Variants in TEX11 observed in about 807,000 individuals in gnomAD.
TEX11 encodes testis expressed 11, also known as testis-expressed protein 11.
Under a neutral mutation model 84.4 loss-of-function variants are expected in TEX11, and 7 were observed. The ratio of observed to expected loss-of-function variants is 0.08; its 90% CI spans 0.05 to 0.16. The LOEUF (loss-of-function observed/expected upper bound fraction) is 0.16. Ranked by LOEUF, TEX11 falls within the 10% of genes least tolerant of loss-of-function variation. The pLI, the probability that TEX11 is intolerant of heterozygous loss-of-function variation, is 1.00. For synonymous variants in TEX11, 264 were observed against 222.8 expected, an observed-to-expected ratio of 1.18 and a Z score of -1.64; for missense variants, 551 against 660.5, an observed-to-expected ratio of 0.83 and a Z score of 1.82.
At chrX:70,759,632 T>C (rs200268208) in intron 9 of TEX11, among the ~76,000 whole-genome samples, 1 of 111,512 alleles carries the variant, frequency 9.0e-6, no homozygotes, top group African/African-American at 3.3e-5. Context: ...TAAGAGCTAT[T>C]TATGACGAAC....
intron 2 of TEX11, among the ~76,000 whole-genome samples, chrX:70,897,195 T>A (rs1416105000): frequency 2.3e-5 from 1 of 44,038 alleles, no homozygotes; most frequent in Non-Finnish European, 6.2e-5. Context: ...ATAATATATG[T>A]TATATATTAT....
chrX:70,829,135 A>C (rs1165493405), intron 8 of TEX11, among the ~76,000 whole-genome samples: 1 of 111,923 alleles, frequency 8.9e-6, no homozygotes, highest in Non-Finnish European at 1.9e-5. Flanking sequence ...AAAGGATGTT[A>C]ATGAGCAAGA....
At chrX:70,710,021 G>C (rs4844253) in intron 13 of TEX11, among the ~76,000 whole-genome samples, 1 of 109,438 alleles carries the variant, frequency 9.1e-6, no homozygotes, top group Non-Finnish European at 1.9e-5. Flanking sequence ...TTCTGATTCT[G>C]TCTTGGTAGT....
At chrX:70,877,094 A>G in intron 3 of TEX11, among the ~76,000 whole-genome samples, 1 of 110,585 alleles carries the variant, frequency 9.0e-6, no homozygotes, top group Middle Eastern at 4.7e-3. Flanking sequence ...AGGAGTTCGA[A>G]ACCAGCCTGG....
chrX:70,852,836 T>C (rs1164630997), intron 7 of TEX11, among the ~76,000 whole-genome samples, 198 bp downstream of exon 7: 1 of 111,688 alleles, frequency 9.0e-6, no homozygotes, highest in Non-Finnish European at 1.9e-5. Flanking sequence ...ATCAGTCTTC[T>C]CACCCTTAGC....
At chrX:70,546,639 TCAC>T (rs2088129519) in intron 28 of TEX11, among the ~76,000 whole-genome samples, 1 of 110,835 alleles carries the variant, frequency 9.0e-6, no homozygotes, top group Non-Finnish European at 1.9e-5. Context: ...AAAATGATCA[TCAC>T]CATTAGCCAT....
chrX:70,524,236 T>G (rs2087802759), downstream of TEX11, among the ~76,000 whole-genome samples: 1 of 112,526 alleles, frequency 8.9e-6, no homozygotes, highest in African/African-American at 3.2e-5. Flanking sequence ...AGAGACTTGG[T>G]CCTCTATTTT....
chrX:70,539,038 A>ATATATATATATATTTTT, intron 28 of TEX11, among the ~76,000 whole-genome samples: 72 of 41,225 alleles, frequency 1.7e-3, no homozygotes, highest in South Asian at 5.1e-3. Flanking sequence ...ATATATATAT[A>ATATATATATATATTTTT]TTTTTTTTTT....
At chrX:70,907,841 G>A (rs1194852615) in intron 1 of TEX11, 31 bp from the exon 2 acceptor site, 4 of 885,050 alleles carry the variant, frequency 4.5e-6, no homozygotes, top group Non-Finnish European at 6.6e-6. Context: ...TTAATACTCT[G>A]TTTTATCCTC....
intron 2 of TEX11, among the ~76,000 whole-genome samples, chrX:70,885,888 C>CAAAA (rs780384460): frequency 4.8e-5 from 2 of 41,381 alleles, no homozygotes; most frequent in African/African-American, 6.6e-5. Context: ...GACACTGCCA[C>CAAAA]AAAAAAAAAA....
intron 13 of TEX11, among the ~76,000 whole-genome samples, chrX:70,702,172 C>T: frequency 9.0e-6 from 1 of 111,347 alleles, no homozygotes. Flanking sequence ...CAACATGCTG[C>T]ACAGAAATAT....
chrX:70,881,653 G>A (rs2091684017), intron 2 of TEX11, among the ~76,000 whole-genome samples: 1 of 110,951 alleles, frequency 9.0e-6, no homozygotes, highest in Non-Finnish European at 1.9e-5. Flanking sequence ...TTACCCTGAT[G>A]TGATTATTAC....
intron 2 of TEX11, among the ~76,000 whole-genome samples, chrX:70,884,976 T>C (rs749347104): frequency 1.3e-4 from 15 of 111,442 alleles, no homozygotes; most frequent in African/African-American, 4.2e-4. Flanking sequence ...TATATCTCTC[T>C]AGTTTTGAGG....
chrX:70,679,674 C>T (rs1421091537), intron 14 of TEX11, among the ~76,000 whole-genome samples: 1 of 108,138 alleles, frequency 9.2e-6, no homozygotes, highest in East Asian at 3.0e-4. Flanking sequence ...CAGCAGCCAC[C>T]CCGTCTGGGA....
intron 9 of TEX11, among the ~76,000 whole-genome samples, chrX:70,804,912 T>C (rs1319501337): frequency 9.3e-6 from 1 of 107,594 alleles, no homozygotes; most frequent in Non-Finnish European, 1.9e-5. Flanking sequence ...ATTCTTGGCA[T>C]AAACTCCAAG....
intron 8 of TEX11, among the ~76,000 whole-genome samples, chrX:70,832,164 C>T (rs929006654): frequency 9.0e-6 from 1 of 111,530 alleles, no homozygotes; most frequent in Admixed American, 9.6e-5. Flanking sequence ...CTCAAATTCA[C>T]AACCTGTTCT....
intron 25 of TEX11, among the ~76,000 whole-genome samples, chrX:70,561,392 T>TA (rs2088371304): frequency 1.0e-5 from 1 of 99,591 alleles, no homozygotes; most frequent in African/African-American, 3.6e-5. Context: ...AATTTACTTT[T>TA]TTTTTTTTTT....
At chrX:70,900,000 T>C (rs762089640) in intron 2 of TEX11, among the ~76,000 whole-genome samples, 12 of 102,560 alleles carry the variant, frequency 1.2e-4, no homozygotes, top group African/African-American at 3.9e-4. Flanking sequence ...ACCCGGTCTC[T>C]ACTAAAAATA....
intron 28 of TEX11, among the ~76,000 whole-genome samples, chrX:70,530,463 C>T (rs1012786619): frequency 8.9e-6 from 1 of 112,198 alleles, no homozygotes; most frequent in Non-Finnish European, 1.9e-5. Context: ...TTAACGATAT[C>T]TACCTAGCTA....
Sources: allele counts gnomAD v4.1 joint callset (sites outside exome capture counted in the v4.1 genomes callset), GRCh38; gene constraint gnomAD v4.1.1; transcripts MANE v1.5; gene names NCBI Gene and HGNC (gene_info 2026-07-23, HGNC 2026-07-21).